Variants in MCTP1 observed in about 807,000 individuals in gnomAD.
MCTP1 encodes the protein multiple C2 and transmembrane domain-containing protein 1.
In MCTP1, 69 loss-of-function variants were observed where a neutral mutation model predicts 120.6. The observed-to-expected ratio is 0.57, with a 90% CI of 0.47 to 0.70. MCTP1 has a LOEUF of 0.70. Ranked by LOEUF, MCTP1 falls within the 30% of genes least tolerant of loss-of-function variation. The pLI, the probability that MCTP1 is intolerant of heterozygous loss-of-function variation, is 0.00. For synonymous variants in MCTP1, 529 were observed against 493.1 expected (o/e 1.07, Z -0.96); for missense variants, 1,203 against 1,248.8 (o/e 0.96, Z 0.55).
chr5:95,216,722 G>A (rs879771917), intron 1 of MCTP1, among the ~76,000 whole-genome samples: 18 of 152,288 alleles, frequency 1.2e-4, no homozygotes, highest in Non-Finnish European at 2.2e-4. Flanking sequence ...ACTGTCATAC[G>A]AAGTGAGAAA....
rs1048506133 is a variant in MCTP1, at chr5:95,099,450, A to T, written c.721-81966T>A. ...AGAAAAAAACAAACAACCCCATCAA[A>T]AAGTGGGCGAAGGACATGAACAGAC... On this transcript the variant is annotated intron_variant, in intron 1 of 22. Coordinates refer to ENST00000515393, the MANE Select transcript of MCTP1 (RefSeq NM_024717.7). Among the ~76,000 whole-genome samples, 3 of 152,048 alleles carry T rather than the reference A, an allele frequency of 2.0e-5. No individual in the cohort carries two copies. In the South Asian group the frequency reaches 6.2e-4, roughly 32 times the overall value.
chr5:95,180,474 T>C (rs1215658350), intron 1 of MCTP1, among the ~76,000 whole-genome samples: 1 of 152,234 alleles, frequency 6.6e-6, no homozygotes, highest in Non-Finnish European at 1.5e-5. Context: ...GCTTCCTCCT[T>C]CTTCACATGT....
chr5:95,235,708 T>C (rs972554527), intron 1 of MCTP1, among the ~76,000 whole-genome samples: 17 of 152,180 alleles, frequency 1.1e-4, no homozygotes, highest in African/African-American at 4.1e-4. Context: ...TAAATACCTA[T>C]TGCTTATTCA....
chr5:95,162,950 A>G (rs1352577730), intron 1 of MCTP1, among the ~76,000 whole-genome samples: 1 of 152,216 alleles, frequency 6.6e-6, no homozygotes, highest in African/African-American at 2.4e-5. Flanking sequence ...TTGGAAAGCA[A>G]TATTAGAAAT....
intron 1 of MCTP1, among the ~76,000 whole-genome samples, chr5:95,100,382 G>C (rs1225450236): frequency 6.6e-6 from 1 of 152,150 alleles, no homozygotes; most frequent in African/African-American, 2.4e-5. Context: ...CCATCTGAGA[G>C]TAAATCAGTC....
intron 3 of MCTP1, among the ~76,000 whole-genome samples, chr5:94,948,509 A>C (rs1011484243): frequency 3.9e-5 from 6 of 152,078 alleles, no homozygotes; most frequent in Non-Finnish European, 5.9e-5. Context: ...TGCATTTAGG[A>C]AGTGTTTTTG....
intron 2 of MCTP1, chr5:94,976,814 AAAGAG>A (rs1298375502): frequency 6.6e-6 from 1 of 152,156 alleles, no homozygotes; most frequent in African/African-American, 2.4e-5. Flanking sequence ...AACAAACTAA[AAAGAG>A]AAGAAAATTA....
At chr5:95,097,843 C>T (rs1382218875) in intron 1 of MCTP1, among the ~76,000 whole-genome samples, 1 of 152,322 alleles carries the variant, frequency 6.6e-6, no homozygotes, top group Admixed American at 6.5e-5. Flanking sequence ...TTTGGTCCAA[C>T]AACTGGGGTC....
chr5:95,002,444 T>C (rs957935313), intron 2 of MCTP1, among the ~76,000 whole-genome samples: 2 of 152,154 alleles, frequency 1.3e-5, no homozygotes, highest in Admixed American at 1.3e-4. Flanking sequence ...GGGGCTAGTA[T>C]CCTGAAAAGC....
At chr5:94,863,699 A>G (rs1450083913) in intron 17 of MCTP1, among the ~76,000 whole-genome samples, 1 of 151,900 alleles carries the variant, frequency 6.6e-6, no homozygotes, top group African/African-American at 2.4e-5. Flanking sequence ...TAATAGCAGC[A>G]GACTTTCTGC....
chr5:94,846,741 G>A (rs780388322), intron 17 of MCTP1, among the ~76,000 whole-genome samples: 1 of 152,050 alleles, frequency 6.6e-6, no homozygotes, highest in Non-Finnish European at 1.5e-5. Context: ...CGGAATCATT[G>A]AGGGGCAGAC....
chr5:95,176,512 G>T (rs905654765), intron 1 of MCTP1, among the ~76,000 whole-genome samples: 1 of 152,130 alleles, frequency 6.6e-6, no homozygotes, highest in African/African-American at 2.4e-5. Flanking sequence ...GCGACAAAGT[G>T]AGACTCTGTT....
chr5:94,979,293 T>C (rs1220119202), intron 2 of MCTP1: 2 of 152,076 alleles, frequency 1.3e-5, no homozygotes, highest in Non-Finnish European at 2.9e-5. Flanking sequence ...TGGATGTGTA[T>C]AGGGAGACTG....
chr5:94,916,118 T>C (rs532880556), intron 8 of MCTP1, among the ~76,000 whole-genome samples: 1 of 152,324 alleles, frequency 6.6e-6, no homozygotes, highest in East Asian at 1.9e-4. Flanking sequence ...ACAAAGAAAC[T>C]CCATAATTCA....
chr5:94,779,092 G>A lies in MCTP1; in HGVS notation c.2610+18C>T, dbSNP rs114481610. The A allele has an allele frequency of 7.5e-5, 121 of 1,607,836 alleles. No homozygotes were observed. The African/African-American group carries it at 1.5e-3, about 19-fold the overall frequency. ...TTTCCCCATCCCCAGGTACCCAAGT[G>A]CTGGGAAAGATAATTACCTTGTCAT... On this transcript the variant is annotated intron_variant, in intron 19 of 22. Transcript: ENST00000515393.
At chr5:94,721,728 G>C (rs1760931546) in intron 19 of MCTP1, among the ~76,000 whole-genome samples, 1 of 151,750 alleles carries the variant, frequency 6.6e-6, no homozygotes, top group Admixed American at 6.6e-5. Flanking sequence ...CTTTATTGTA[G>C]AGAATAAATT....
chr5:95,272,648 G>C (rs1470076656), intron 1 of MCTP1, among the ~76,000 whole-genome samples: 1 of 152,202 alleles, frequency 6.6e-6, no homozygotes, highest in Non-Finnish European at 1.5e-5. Context: ...TATCTTCCTT[G>C]AAAAGCCCAG....
chr5:95,239,628 C>T (rs1755942072), intron 1 of MCTP1, among the ~76,000 whole-genome samples: 1 of 152,066 alleles, frequency 6.6e-6, no homozygotes, highest in Non-Finnish European at 1.5e-5. Context: ...AATGACTTTG[C>T]TAATTATTTT....
chr5:94,902,657 T>C (rs1805828654), intron 10 of MCTP1, among the ~76,000 whole-genome samples: 1 of 152,230 alleles, frequency 6.6e-6, no homozygotes, highest in South Asian at 2.1e-4. Flanking sequence ...TATGACTCTT[T>C]GAAATGTTTG....
Sources: allele counts gnomAD v4.1 joint callset (sites outside exome capture counted in the v4.1 genomes callset), GRCh38; gene constraint gnomAD v4.1.1; transcripts MANE v1.5; gene names NCBI Gene and HGNC (gene_info 2026-07-23, HGNC 2026-07-21).